The following SLCO6A1 variants were observed in gnomAD, a reference collection of about 807,000 sequenced individuals.
SLCO6A1 encodes the protein cancer/testis antigen 48.
In SLCO6A1, 65 loss-of-function variants were observed where a neutral mutation model predicts 72.7. The ratio of observed to expected loss-of-function variants is 0.89; its 90% CI spans 0.73 to 1.10. The LOEUF is 1.10. SLCO6A1 is among the 50% of genes least tolerant of loss of function. SLCO6A1 has a pLI of 0.00. For missense variants in SLCO6A1, 874 were observed against 872.6 expected (o/e 1.00, Z -0.02); for synonymous variants, 314 against 298.2 (o/e 1.05, Z -0.55).
At chr5:102,497,303 TAG>T (rs529438795) in intron 1 of SLCO6A1, among the ~76,000 whole-genome samples, 1 of 152,158 alleles carries the variant, frequency 6.6e-6, no homozygotes, top group South Asian at 2.1e-4. Flanking sequence ...AAAGATCCAA[TAG>T]AGAGTGGCTG....
intron 1 of SLCO6A1, among the ~76,000 whole-genome samples, chr5:102,491,930 A>G (rs1458288833): frequency 6.6e-6 from 1 of 152,268 alleles, no homozygotes; most frequent in Non-Finnish European, 1.5e-5. Flanking sequence ...CAGGCTGTAC[A>G]GAAAGCATGG....
At chr5:102,416,900 G>T (rs1030834516) in intron 8 of SLCO6A1, among the ~76,000 whole-genome samples, 2 of 152,016 alleles carry the variant, frequency 1.3e-5, no homozygotes, top group African/African-American at 4.8e-5. Context: ...AGAATTTTTT[G>T]ATCTACTTCT....
intron 5 of SLCO6A1, among the ~76,000 whole-genome samples, chr5:102,459,034 T>C (rs1750886130): frequency 6.6e-6 from 1 of 152,156 alleles, no homozygotes; most frequent in Non-Finnish European, 1.5e-5. Flanking sequence ...TAAATATGCT[T>C]GTTTTCAAGA....
chr5:102,474,213 T>G (rs1238694664), intron 4 of SLCO6A1, among the ~76,000 whole-genome samples: 2 of 152,120 alleles, frequency 1.3e-5, no homozygotes, highest in African/African-American at 4.8e-5. Context: ...AGTATGGTAC[T>G]GGTATAAAGA....
chr5:102,375,393 C>T (rs1009716653), intron 12 of SLCO6A1, among the ~76,000 whole-genome samples: 6 of 152,110 alleles, frequency 3.9e-5, no homozygotes, highest in African/African-American at 1.4e-4. Context: ...AATTAACTTA[C>T]CCTCCACTTA....
At chr5:102,396,307 C>T (rs942909063) in intron 10 of SLCO6A1, among the ~76,000 whole-genome samples, 7 of 151,946 alleles carry the variant, frequency 4.6e-5, no homozygotes, top group Non-Finnish European at 5.9e-5. Flanking sequence ...GAATCCTTTC[C>T]CCATTTCTTG....
At chr5:102,481,127 T>C (rs1752171093) in intron 1 of SLCO6A1, among the ~76,000 whole-genome samples, 1 of 152,206 alleles carries the variant, frequency 6.6e-6, no homozygotes, top group Admixed American at 6.5e-5. Context: ...GGAGTCCAAA[T>C]GGTTACTAAT....
At chr5:102,458,861 C>A (rs148677514) in intron 5 of SLCO6A1, among the ~76,000 whole-genome samples, 58 of 152,224 alleles carry the variant, frequency 3.8e-4, no homozygotes, top group African/African-American at 1.3e-3. Context: ...TTTGATATAA[C>A]TAAAACTATT....
At chr5:102,382,770 T>A (rs889654808) in intron 12 of SLCO6A1, among the ~76,000 whole-genome samples, 7 of 151,540 alleles carry the variant, frequency 4.6e-5, no homozygotes, top group Non-Finnish European at 8.9e-5. Context: ...TTTTTGATTC[T>A]CTTTTAGATA....
intron 1 of SLCO6A1, 26 bp downstream of exon 1, chr5:102,498,461 C>T: frequency 6.3e-7 from 1 of 1,596,682 alleles, no homozygotes; most frequent in Non-Finnish European, 8.5e-7. Flanking sequence ...GCCCTCGCCA[C>T]AACAAACCGC....
intron 9 of SLCO6A1, among the ~76,000 whole-genome samples, chr5:102,403,448 T>C (rs1465738506): frequency 6.6e-6 from 1 of 152,176 alleles, no homozygotes; most frequent in Non-Finnish European, 1.5e-5. Context: ...CAAAGATGGA[T>C]ATTATCTTAA....
chr5:102,465,911 G>A (rs1218514982), intron 4 of SLCO6A1, among the ~76,000 whole-genome samples: 1 of 151,950 alleles, frequency 6.6e-6, no homozygotes, highest in Admixed American at 6.6e-5. Flanking sequence ...TAAATCCCCT[G>A]GATTTCAAAC....
At chr5:102,436,062 C>T (rs1749518100) in intron 7 of SLCO6A1, among the ~76,000 whole-genome samples, 1 of 152,058 alleles carries the variant, frequency 6.6e-6, no homozygotes, top group African/African-American at 2.4e-5. Flanking sequence ...CTTTTCTATC[C>T]CATTGGCACC....
chr5:102,381,663 G>A (rs1291544574), intron 12 of SLCO6A1, among the ~76,000 whole-genome samples: 1 of 149,724 alleles, frequency 6.7e-6, no homozygotes, highest in Non-Finnish European at 1.5e-5. Context: ...AGTAATGGCT[G>A]TACTAATTTG....
chr5:102,412,304 G>A (rs1748030795), intron 9 of SLCO6A1, among the ~76,000 whole-genome samples: 1 of 152,098 alleles, frequency 6.6e-6, no homozygotes, highest in Non-Finnish European at 1.5e-5. Context: ...CACGTTCTCA[G>A]GACCTCCCAA....
Position 102,454,096 on chromosome 5 carries a change from C to G in SLCO6A1, c.1131+4286G>C, listed in dbSNP as rs149103791. 2.1e-3 allele frequency among the ~76,000 whole-genome samples: 318 copies of G among 152,280 alleles called. 3 individuals are homozygous for G. Among genetic ancestry groups the G allele is most frequent in the African/African-American group, 7.3e-3 (302 of 41,566 alleles). On this transcript the variant is annotated intron_variant, in intron 6 of 13. Coordinates refer to ENST00000506729, the MANE Select transcript of SLCO6A1 (RefSeq NM_173488.5). The stretch of plus-strand genomic sequence containing the variant: ...GCTGGTTTACTGTTTCCCCTAACAA[C>G]TATTGCTGCCTCTGGTAGCTACGAT...
intron 7 of SLCO6A1, among the ~76,000 whole-genome samples, chr5:102,428,813 C>T (rs1347943598): frequency 6.6e-6 from 1 of 152,078 alleles, no homozygotes; most frequent in Non-Finnish European, 1.5e-5. Context: ...GGTATATATC[C>T]AGTAATGAGA....
intron 6 of SLCO6A1, among the ~76,000 whole-genome samples, chr5:102,441,322 C>T (rs1749820995): frequency 6.6e-6 from 1 of 152,156 alleles, no homozygotes; most frequent in Non-Finnish European, 1.5e-5. Flanking sequence ...TTGGCTATCA[C>T]ATCTACTGAA....
intron 7 of SLCO6A1, among the ~76,000 whole-genome samples, chr5:102,437,003 G>C (rs532065709): frequency 9.2e-5 from 14 of 152,148 alleles, no homozygotes; most frequent in Admixed American, 2.0e-4. Context: ...GCTCTTAGAA[G>C]ATTAGAAATT....
Sources: allele counts gnomAD v4.1 joint callset (sites outside exome capture counted in the v4.1 genomes callset), GRCh38; gene constraint gnomAD v4.1.1; transcripts MANE v1.5; gene names NCBI Gene and HGNC (gene_info 2026-07-23, HGNC 2026-07-21).